The following ARHGEF38 variants were observed in gnomAD, a reference collection of about 807,000 sequenced individuals.
ARHGEF38 encodes Rho guanine nucleotide exchange factor 38, also known as Rho guanine nucleotide exchange factor (GEF) 38.
ARHGEF38 carries 79 observed loss-of-function variants against 79.9 expected under a neutral mutation model. The observed-to-expected ratio is 0.99, with a 90% CI of 0.82 to 1.19. The LOEUF (loss-of-function observed/expected upper bound fraction) is 1.19, where lower values mean the gene tolerates loss of function less well. ARHGEF38 is among the 50% of genes most tolerant of loss of function. The probability of loss-of-function intolerance (pLI) is 0.00; values close to 1 mark genes in which losing one functional copy is unlikely to be tolerated. For missense variants in ARHGEF38, 962 were observed against 907.2 expected (o/e 1.06, Z -0.78); for synonymous variants, 366 against 328.3 (o/e 1.11, Z -1.24).
rs555519027 is a variant in ARHGEF38, at chr4:105,623,038, C to T, written c.509-7860C>T. On this transcript the variant is annotated intron_variant, in intron 3 of 13. Transcript: ENST00000420470. ...AGTAAATAGCAATGGATTCCACATG[C>T]ATTTGTTCATCTTTTCAATGGGGAC... 2.6e-5 allele frequency among the ~76,000 whole-genome samples: 4 copies of T among 152,226 alleles called. No homozygotes were observed. In the South Asian group the frequency reaches 8.3e-4, roughly 32 times the overall value.
chr4:105,571,730 T>C (rs1726245446), intron 1 of ARHGEF38, among the ~76,000 whole-genome samples: 1 of 152,242 alleles, frequency 6.6e-6, no homozygotes, highest in African/African-American at 2.4e-5. Context: ...ATGACTGTTC[T>C]TACCCACACA....
chr4:105,679,520 T>A lies in ARHGEF38; in HGVS notation c.*1583T>A. On this transcript the variant is annotated 3_prime_UTR_variant, in exon 14 of 14. Transcript: ENST00000420470. Reference sequence around the variant, plus strand: ...TTAAAGATCATGGTTCAAAGCTTGATACACCAGAAATGTGGGCTAAAGCTG... The same window carrying A: ...TTAAAGATCATGGTTCAAAGCTTGAAACACCAGAAATGTGGGCTAAAGCTG... 1 of 1,376,942 alleles carries A rather than the reference T, an allele frequency of 7.3e-7. No individual in the cohort carries two copies. Among genetic ancestry groups the A allele is most frequent in the South Asian group, 1.2e-5 (1 of 86,260 alleles). 85.3% of individuals were successfully genotyped at this position (1,376,942 alleles called of 1,614,324 possible).
chr4:105,645,479 G>C, intron 6 of ARHGEF38, 92 bp downstream of exon 6: 1 of 1,108,092 alleles, frequency 9.0e-7, no homozygotes, highest in Non-Finnish European at 1.2e-6. Flanking sequence ...AGTTATAGCA[G>C]CTGCAGTGAA....
At chr4:105,571,234 C>T (rs1429145631) in intron 1 of ARHGEF38, among the ~76,000 whole-genome samples, 2 of 151,250 alleles carry the variant, frequency 1.3e-5, no homozygotes, top group Non-Finnish European at 2.9e-5. Flanking sequence ...TATCCATCTA[C>T]GGGAGGAAAA....
intron 2 of ARHGEF38, among the ~76,000 whole-genome samples, chr4:105,613,160 T>G (rs1728367574): frequency 6.6e-6 from 1 of 152,080 alleles, no homozygotes; most frequent in South Asian, 2.1e-4. Flanking sequence ...GTATGTTTGA[T>G]ACAAAACATA....
intron 3 of ARHGEF38, among the ~76,000 whole-genome samples, chr4:105,622,447 A>T (rs954836420): frequency 3.3e-5 from 5 of 152,224 alleles, no homozygotes; most frequent in African/African-American, 1.2e-4. Flanking sequence ...GCCTGGAAAG[A>T]GCATGGCCTT....
chr4:105,645,394 A>G lies in ARHGEF38; in HGVS notation c.874+7A>G. ...AAAAGAAGGAAAGATTTAGGTAGGAAGAGACATGATGAATTGGTTGTTTTC... is the reference window on the plus strand; with the variant it reads ...AAAAGAAGGAAAGATTTAGGTAGGAGGAGACATGATGAATTGGTTGTTTTC... On this transcript the variant is annotated splice_region_variant and intron_variant, in intron 6 of 13. Coordinates refer to ENST00000420470, the MANE Select transcript of ARHGEF38 (RefSeq NM_001242729.2). 1.3e-6 allele frequency: 2 copies of G among 1,515,528 alleles called. No homozygotes were observed. The highest frequency in any genetic ancestry group is 1.8e-6 in the Non-Finnish European group (2 of 1,138,260). The allele number at this position is 1,515,528 out of a possible 1,614,324, so 93.9% of individuals were successfully genotyped here.
chr4:105,623,173 G>T (rs984663156), intron 3 of ARHGEF38, among the ~76,000 whole-genome samples: 1 of 152,194 alleles, frequency 6.6e-6, no homozygotes, highest in African/African-American at 2.4e-5. Context: ...TGTGTCACCA[G>T]CACCCAGAAC....
At chr4:105,630,670 A>G (rs1293003705) in intron 3 of ARHGEF38, among the ~76,000 whole-genome samples, 4 of 152,222 alleles carry the variant, frequency 2.6e-5, no homozygotes, top group Middle Eastern at 3.2e-3. Flanking sequence ...AAGAAAAAAA[A>G]GAAAAGACAG....
At chr4:105,631,452 T>G in intron 4 of ARHGEF38, 1 of 986,180 alleles carries the variant, frequency 1.0e-6, no homozygotes, top group Non-Finnish European at 1.2e-6. Flanking sequence ...CAACTCTGCA[T>G]GGCCGTCTTC....
chr4:105,576,749 A>G (rs954240405), intron 1 of ARHGEF38, among the ~76,000 whole-genome samples: 1 of 152,116 alleles, frequency 6.6e-6, no homozygotes, highest in Non-Finnish European at 1.5e-5. Context: ...GTCTTTTTCC[A>G]GTTCACAGGA....
intron 1 of ARHGEF38, among the ~76,000 whole-genome samples, chr4:105,567,685 G>A (rs1470968491): frequency 6.6e-6 from 1 of 151,974 alleles, no homozygotes; most frequent in African/African-American, 2.4e-5. Context: ...AAGAGCTGTT[G>A]TTTATTCATT....
chr4:105,668,168 A>G (rs1408137505), intron 13 of ARHGEF38, among the ~76,000 whole-genome samples: 1 of 151,814 alleles, frequency 6.6e-6, no homozygotes, highest in East Asian at 1.9e-4. Flanking sequence ...CACACTATAT[A>G]TGGAAACTTT....
chr4:105,623,847 T>C (rs1458436074), intron 3 of ARHGEF38, among the ~76,000 whole-genome samples: 1 of 152,090 alleles, frequency 6.6e-6, no homozygotes, highest in Non-Finnish European at 1.5e-5. Context: ...ATTGACCCTC[T>C]CCACAGCCCA....
At chr4:105,671,299 T>C (rs1409731130) in intron 13 of ARHGEF38, among the ~76,000 whole-genome samples, 1 of 152,114 alleles carries the variant, frequency 6.6e-6, no homozygotes. Flanking sequence ...AAACTGAAGG[T>C]GAACCCTGTG....
At chr4:105,618,806 G>T (rs943420407) in intron 3 of ARHGEF38, among the ~76,000 whole-genome samples, 1 of 152,106 alleles carries the variant, frequency 6.6e-6, no homozygotes, top group Non-Finnish European at 1.5e-5. Flanking sequence ...GGGAAAGGTG[G>T]TAACTTTACA....
At chr4:105,563,403 T>C (rs1055406332) in intron 1 of ARHGEF38, 5 of 152,258 alleles carry the variant, frequency 3.3e-5, no homozygotes, top group African/African-American at 1.2e-4. Context: ...GATTTCTAAA[T>C]GGAAGAGCAG....
chr4:105,642,838 A>G (rs1729677064), intron 5 of ARHGEF38, among the ~76,000 whole-genome samples: 1 of 152,170 alleles, frequency 6.6e-6, no homozygotes, highest in Admixed American at 6.5e-5. Flanking sequence ...ATATTTTGAT[A>G]GTCTTTTAGT....
At chr4:105,656,887 C>A (rs10452180) in intron 9 of ARHGEF38, among the ~76,000 whole-genome samples, 5,098 of 152,044 alleles carry the variant, frequency 0.034, 235 homozygotes, top group African/African-American at 0.11. Context: ...CAGGCAGGAG[C>A]ATTTTGCTTT....
Sources: gnomAD v4.1 joint callset for allele counts (sites outside exome capture counted in the v4.1 genomes callset) on GRCh38, gnomAD v4.1.1 for gene constraint, MANE v1.5 for transcripts, NCBI Gene and HGNC (gene_info 2026-07-23, HGNC 2026-07-21) for gene names.